The following ENTREP1 variants were observed in gnomAD, a reference collection of about 807,000 sequenced individuals.
ENTREP1 encodes endosomal transmembrane epsin interactor 1.
At chr9:69,343,152 T>C in the ENTREP1 span, among the ~76,000 whole-genome samples, 2 of 152,386 alleles carry the variant, frequency 1.3e-5, no homozygotes, top group East Asian at 3.9e-4. Context: ...TGCTATCCAC[T>C]TATTAGCCCT....
At chr9:69,371,318 C>T in the ENTREP1 span, 2 of 667,062 alleles carry the variant, frequency 3.0e-6, no homozygotes, top group Non-Finnish European at 5.4e-6. Flanking sequence ...AGTGGCATCC[C>T]TCAGCACAAT....
chr9:69,354,930 C>T, the ENTREP1 span, among the ~76,000 whole-genome samples: 1 of 152,164 alleles, frequency 6.6e-6, no homozygotes. Context: ...ACCGTTCCCT[C>T]CTTTGAGATA....
the ENTREP1 span, among the ~76,000 whole-genome samples, chr9:69,351,673 G>T: frequency 2.0e-5 from 3 of 152,014 alleles, no homozygotes; most frequent in Non-Finnish European, 4.4e-5. Context: ...CGCCTCGGCC[G>T]CCAAATTGCT....
the ENTREP1 span, among the ~76,000 whole-genome samples, chr9:69,358,902 C>CTTT: frequency 1.0e-5 from 1 of 96,368 alleles, no homozygotes. Flanking sequence ...CTTTTTCTTT[C>CTTT]TTTTTTTTTT....
chr9:69,336,234 G>C, the ENTREP1 span: 5 of 1,585,692 alleles, frequency 3.2e-6, no homozygotes, highest in African/African-American at 6.8e-5. Flanking sequence ...TGGAATCATA[G>C]GATTAACAAC....
At chr9:69,357,131 T>C in the ENTREP1 span, among the ~76,000 whole-genome samples, 99 of 151,958 alleles carry the variant, frequency 6.5e-4, no homozygotes, top group South Asian at 8.3e-4. Flanking sequence ...TGAAGTCACT[T>C]TCCTGAGAAA....
At chr9:69,366,574 G>T in the ENTREP1 span, among the ~76,000 whole-genome samples, 2 of 151,656 alleles carry the variant, frequency 1.3e-5, no homozygotes, top group Non-Finnish European at 2.9e-5. Flanking sequence ...TGTTTTTGTT[G>T]CCTGTGCTTT....
the ENTREP1 span, chr9:69,379,646 A>G: frequency 6.6e-6 from 1 of 152,254 alleles, no homozygotes; most frequent in Non-Finnish European, 1.5e-5. Flanking sequence ...TAGAGGGTAC[A>G]TTGGAGGACA....
the ENTREP1 span, among the ~76,000 whole-genome samples, chr9:69,367,864 T>C: frequency 1.1e-3 from 152 of 136,028 alleles, 3 homozygotes; most frequent in African/African-American, 4.1e-3. Context: ...TATACACACA[T>C]ATATATAAAT....
At chr9:69,388,561 T>C in the ENTREP1 span, 3 of 831,534 alleles carry the variant, frequency 3.6e-6, no homozygotes, top group South Asian at 3.9e-5. Flanking sequence ...GTCACAGTCT[T>C]CAGGGAAATT....
chr9:69,329,717 G>A, the ENTREP1 span: 4 of 985,334 alleles, frequency 4.1e-6, no homozygotes, highest in Non-Finnish European at 4.8e-6. Context: ...GCTAAGGGAG[G>A]ATCTCAGTGT....
At chr9:69,373,848 G>A in the ENTREP1 span, among the ~76,000 whole-genome samples, 1 of 152,130 alleles carries the variant, frequency 6.6e-6, no homozygotes, top group South Asian at 2.1e-4. Context: ...CAAATCTTAA[G>A]TGTGCAGTTC....
At chr9:69,372,535 A>G in the ENTREP1 span, among the ~76,000 whole-genome samples, 4 of 152,294 alleles carry the variant, frequency 2.6e-5, no homozygotes, top group Admixed American at 1.3e-4. Flanking sequence ...TTTTAAGACT[A>G]TATAATATTC....
At chr9:69,337,092 G>A in the ENTREP1 span, among the ~76,000 whole-genome samples, 3 of 125,412 alleles carry the variant, frequency 2.4e-5, no homozygotes, top group African/African-American at 9.1e-5. Flanking sequence ...TCAGCTTACC[G>A]CAACCTCTGC....
chr9:69,355,823 C>T, the ENTREP1 span, among the ~76,000 whole-genome samples: 109 of 152,162 alleles, frequency 7.2e-4, no homozygotes, highest in Non-Finnish European at 1.3e-3. Context: ...GGGCTGGTGA[C>T]GAGAGCGTGA....
At chr9:69,337,433 T>A in the ENTREP1 span, among the ~76,000 whole-genome samples, 1 of 152,218 alleles carries the variant, frequency 6.6e-6, no homozygotes, top group African/African-American at 2.4e-5. Flanking sequence ...TATCTCTTTG[T>A]CACATAAATA....
the ENTREP1 span, among the ~76,000 whole-genome samples, chr9:69,368,973 C>T: frequency 1.3e-5 from 2 of 152,068 alleles, no homozygotes; most frequent in Non-Finnish European, 2.9e-5. Flanking sequence ...CTAATGCTAT[C>T]CCTCCCCAGG....
chr9:69,325,415 C>A, the ENTREP1 span: 1 of 1,034,548 alleles, frequency 9.7e-7, no homozygotes, highest in East Asian at 7.1e-5. Context: ...CGCTCAGGAG[C>A]CGCCGCTGCC....
chr9:69,368,118 A>G, the ENTREP1 span, among the ~76,000 whole-genome samples: 1 of 151,854 alleles, frequency 6.6e-6, no homozygotes, highest in Non-Finnish European at 1.5e-5. Context: ...TTTTTCTAGC[A>G]GTAAGATTAT....
Sources: gnomAD v4.1 joint callset for allele counts (sites outside exome capture counted in the v4.1 genomes callset) on GRCh38, gnomAD v4.1.1 for gene constraint, MANE v1.5 for transcripts, NCBI Gene and HGNC (gene_info 2026-07-23, HGNC 2026-07-21) for gene names.